ZNF215: variants seen among roughly 807,000 people sequenced by gnomAD.
ZNF215 encodes BWSCR2-associated zinc finger protein 2.
In ZNF215, 24 loss-of-function variants were observed where a neutral mutation model predicts 27.2. That is an observed-to-expected ratio of 0.88 (90% CI 0.64 to 1.24). The LOEUF is 1.24. Ranked by LOEUF, ZNF215 falls within the 50% of genes most tolerant of loss-of-function variation. The pLI is 0.00. For synonymous variants in ZNF215, 210 were observed against 204.0 expected (o/e 1.03, Z -0.25); for missense variants, 675 against 605.7 (o/e 1.11, Z -1.20).
chr11:6,964,692 T>A (rs968401340), intron 5 of ZNF215, among the ~76,000 whole-genome samples: 14 of 151,868 alleles, frequency 9.2e-5, no homozygotes, highest in South Asian at 8.3e-4. Context: ...GTCTTTTTTT[T>A]TTTTTATTTT....
chr11:6,932,050 A>T (rs1018469748), intron 2 of ZNF215, 44 bp from the exon 3 acceptor site: 1 of 488,502 alleles, frequency 2.0e-6, no homozygotes, highest in African/African-American at 1.9e-5. Flanking sequence ...ACACTATGCT[A>T]ATAGATGTTT....
At chr11:6,970,759 G>A (rs1432894987) in intron 5 of ZNF215, among the ~76,000 whole-genome samples, 2 of 152,146 alleles carry the variant, frequency 1.3e-5, no homozygotes, top group African/African-American at 4.8e-5. Flanking sequence ...CTGTGTCAGT[G>A]TGCAGATACC....
chr11:6,943,149 GC>G lies in ZNF215; in HGVS notation c.551del (p.Ala184ValfsTer2). 1 of 1,614,074 alleles carries G rather than the reference GC, an allele frequency of 6.2e-7. No homozygotes were observed. The highest frequency in any genetic ancestry group is 8.5e-7 in the Non-Finnish European group (1 of 1,179,972). ...GGAAGAGTGGGGGCAACTGGACTCTGCTGTAAAGAACCTGTACAGGAATGTG... is the reference window on the plus strand; with the variant it reads ...GGAAGAGTGGGGGCAACTGGACTCTGTGTAAAGAACCTGTACAGGAATGTG... The part of the protein sequence containing the change: ...SKEEWGQLDS[A>X]VKNLYRNVML... On this transcript the variant is annotated frameshift_variant, in exon 5 of 7. Transcript: ENST00000278319. LOFTEE classifies it high-confidence loss of function.
chr11:6,947,610 G>A (rs1246220726), intron 6 of ZNF215, among the ~76,000 whole-genome samples: 2 of 152,136 alleles, frequency 1.3e-5, no homozygotes, highest in East Asian at 3.8e-4. Context: ...GTACAAACAT[G>A]AGTAACAAAG....
At chr11:6,934,657 A>G (rs1849374789) in intron 3 of ZNF215, among the ~76,000 whole-genome samples, 1 of 152,172 alleles carries the variant, frequency 6.6e-6, no homozygotes, top group Admixed American at 6.5e-5. Context: ...GGTGCTTCTC[A>G]CTGTCTCACC....
intron 3 of ZNF215, among the ~76,000 whole-genome samples, chr11:6,938,612 A>G (rs1590051276): frequency 1.3e-5 from 2 of 151,992 alleles, no homozygotes; most frequent in East Asian, 3.9e-4. Flanking sequence ...TAAAAAAAAA[A>G]TGGATGGACC....
intron 5 of ZNF215, 23 bp from the exon 6 acceptor site, chr11:6,943,523 C>T (rs371996533): frequency 1.9e-5 from 30 of 1,591,566 alleles, no homozygotes; most frequent in Non-Finnish European, 2.3e-5. Flanking sequence ...TGTTGTTGTT[C>T]TTTTTATTTT....
chr11:6,980,312 G>C (rs180921764), intron 5 of ZNF215, among the ~76,000 whole-genome samples: 14 of 152,028 alleles, frequency 9.2e-5, no homozygotes, highest in Admixed American at 3.9e-4. Context: ...TTTTAGAACA[G>C]GTTTAGATGT....
At chr11:6,948,235 A>C (rs545341411) in intron 6 of ZNF215, among the ~76,000 whole-genome samples, 1 of 152,112 alleles carries the variant, frequency 6.6e-6, no homozygotes, top group Non-Finnish European at 1.5e-5. Flanking sequence ...ACTCTCTCAT[A>C]ATAAGACCCC....
At chr11:6,970,772 C>G (rs1850703433) in intron 5 of ZNF215, among the ~76,000 whole-genome samples, 1 of 152,316 alleles carries the variant, frequency 6.6e-6, no homozygotes, top group East Asian at 1.9e-4. Context: ...CAGATACCTA[C>G]TACAACATAT....
chr11:6,927,268 T>G (rs1590039635), intron 1 of ZNF215, among the ~76,000 whole-genome samples: 1 of 152,342 alleles, frequency 6.6e-6, no homozygotes, highest in Middle Eastern at 3.4e-3. Context: ...GTACTTATTT[T>G]AAAATAATTC....
chr11:6,962,986 CTTCAGTATA>C (rs532041743), downstream of ZNF215, among the ~76,000 whole-genome samples: 132 of 152,150 alleles, frequency 8.7e-4, no homozygotes, highest in Non-Finnish European at 1.3e-3. Context: ...CTAGGTTTCT[CTTCAGTATA>C]TTCAGTATAT....
At position 6,981,940 on chromosome 11, in the gene ZNF215, G is replaced by A. The variant is rs191324079; in HGVS notation, c.806-2189G>A. ...TTGTAGATATGCGGCATTATTTCTGGGGGCTCTGTTGTGTTCCATTGATCG... is the reference window on the plus strand; with the variant it reads ...TTGTAGATATGCGGCATTATTTCTGAGGGCTCTGTTGTGTTCCATTGATCG... On this transcript the variant is annotated intron_variant, in intron 5 of 5. Coordinates refer to the ZNF215 transcript ENST00000529903. 4.6e-3 allele frequency among the ~76,000 whole-genome samples: 693 copies of A among 152,068 alleles called. 4 individuals carry two copies. The highest frequency in any genetic ancestry group is 0.014 in the African/African-American group (578 of 41,468).
At chr11:6,971,617 A>G (rs1850719258) in intron 5 of ZNF215, among the ~76,000 whole-genome samples, 1 of 152,234 alleles carries the variant, frequency 6.6e-6, no homozygotes, top group Admixed American at 6.6e-5. Context: ...GTACATATCC[A>G]TAGAAAGGAG....
intron 5 of ZNF215, among the ~76,000 whole-genome samples, chr11:6,973,450 T>C (rs1036242369): frequency 6.6e-6 from 1 of 152,210 alleles, no homozygotes; most frequent in African/African-American, 2.4e-5. Context: ...TTTCTAGTTC[T>C]AGATCCCTGA....
Position 6,932,578 on chromosome 11 carries a change from A to G in ZNF215, c.306A>G (p.Glu102=), listed in dbSNP as rs771817163. 1 of 1,614,198 alleles carries G rather than the reference A, an allele frequency of 6.2e-7. No homozygotes were observed. Among genetic ancestry groups the G allele is most frequent in the Non-Finnish European group, 8.5e-7 (1 of 1,180,024 alleles). Residue 102 remains glutamate (E), a synonymous_variant, in exon 3 of 7, where the codon GAA becomes GAG. Coordinates refer to ENST00000278319, the MANE Select transcript of ZNF215 (RefSeq NM_013250.4). The part of the protein sequence containing the change: ...VLEQFLAILP[E]EVRTWVNLQH... ...AACAATTCCTGGCAATCCTGCCTGA[A>G]GAAGTCAGGACTTGGGTGAATTTAC...
chr11:6,954,011 G>C (rs1302998594), intron 6 of ZNF215, among the ~76,000 whole-genome samples: 1 of 152,238 alleles, frequency 6.6e-6, no homozygotes, highest in Non-Finnish European at 1.5e-5. Flanking sequence ...TCCAGACCCT[G>C]TTTGCCTGGG....
chr11:6,985,643 ACT>A (rs1246963288), downstream of ZNF215, among the ~76,000 whole-genome samples: 4 of 152,116 alleles, frequency 2.6e-5, no homozygotes, highest in African/African-American at 9.7e-5. Context: ...AACACTAAAG[ACT>A]CTGCAAAAAT....
Position 6,955,716 on chromosome 11 carries a change from T to A in ZNF215, c.739T>A (p.Ser247Thr). The A allele has an allele frequency of 6.4e-7, 1 of 1,563,880 alleles. No individual in the cohort carries two copies. The highest frequency in any genetic ancestry group is 8.6e-7 in the Non-Finnish European group (1 of 1,160,346). ...CATGAAGAGTATTTCTGGAGAAGAA[T>A]CATCCCATGGAGTGATTATGACAAG... ...FDMKSISGEESSHGVIMTRLT... is the reference protein window; with the variant it reads ...FDMKSISGEETSHGVIMTRLT... The change falls in exon 7 of 7, where the codon TCA (serine) becomes ACA (threonine). Residue 247 changes from serine (S) to threonine (T), a missense_variant. Physicochemically the swap from Ser to Thr is moderately conservative, Grantham distance 58. Coordinates refer to ENST00000278319, the MANE Select transcript of ZNF215 (RefSeq NM_013250.4).
Sources: allele counts gnomAD v4.1 joint callset (sites outside exome capture counted in the v4.1 genomes callset), GRCh38; gene constraint gnomAD v4.1.1; transcripts MANE v1.5; gene names NCBI Gene and HGNC (gene_info 2026-07-23, HGNC 2026-07-21).